The following INSL6 variants were observed in gnomAD, a reference collection of about 807,000 sequenced individuals.
INSL6 encodes insulin-like peptide INSL6.
INSL6 carries 16 observed loss-of-function variants against 9.4 expected under a neutral mutation model. The observed-to-expected ratio is 1.70, with a 90% confidence interval of 1.15 to 2.59. The LOEUF (loss-of-function observed/expected upper bound fraction) is 2.59. Ranked by LOEUF, INSL6 falls within the 30% of genes most tolerant of loss-of-function variation. The pLI, the probability that INSL6 is intolerant of heterozygous loss-of-function variation, is 0.00. For synonymous variants in INSL6, 154 were observed against 96.9 expected, an observed-to-expected ratio of 1.59 and a Z score of -3.46; for missense variants, 391 against 257.3, an observed-to-expected ratio of 1.52 and a Z score of -3.56.
downstream of INSL6, among the ~76,000 whole-genome samples, chr9:5,159,192 T>C (rs943866854): frequency 4.0e-5 from 6 of 150,646 alleles, no homozygotes; most frequent in Non-Finnish European, 8.9e-5. Context: ...ACCAAGAAAA[T>C]CACCTTCCCT....
chr9:5,054,474 A>AT, the INSL6 span: 1 of 1,124,566 alleles, frequency 8.9e-7, no homozygotes, highest in Non-Finnish European at 1.3e-6. This position sits in a 1 kb window ranked among gnomAD's most constrained non-coding sequence, Gnocchi z 4.9. Context: ...TAATCATGGA[A>AT]AAAGGTGGTA....
the INSL6 span, chr9:5,084,992 T>G: frequency 1.2e-6 from 1 of 837,926 alleles, no homozygotes; most frequent in Non-Finnish European, 1.9e-6. Context: ...ACAGAAAGAG[T>G]TGTCATTTAT....
At chr9:5,093,772 G>C in the INSL6 span, among the ~76,000 whole-genome samples, 1 of 152,050 alleles carries the variant, frequency 6.6e-6, no homozygotes, top group African/African-American at 2.4e-5. Flanking sequence ...TCAATAATAG[G>C]GTTTACGACC....
chr9:5,058,209 A>G, the INSL6 span, among the ~76,000 whole-genome samples: 2 of 152,146 alleles, frequency 1.3e-5, no homozygotes, highest in Non-Finnish European at 2.9e-5. Context: ...TATACCTTCT[A>G]TTAGTCCGTT....
intron 1 of INSL6, among the ~76,000 whole-genome samples, chr9:5,174,049 T>TAG: frequency 6.6e-6 from 1 of 152,328 alleles, no homozygotes; most frequent in Admixed American, 6.5e-5. Context: ...CTAAAGCCAA[T>TAG]TTCTGCACTT....
chr9:5,073,724 G>C, the INSL6 span: 1 of 1,611,660 alleles, frequency 6.2e-7, no homozygotes, highest in South Asian at 1.1e-5. Context: ...CAAGTATGAT[G>C]AGCAAGCTTT....
intron 1 of INSL6, among the ~76,000 whole-genome samples, chr9:5,172,904 G>A (rs976594179): frequency 1.2e-4 from 18 of 151,722 alleles, no homozygotes; most frequent in African/African-American, 3.9e-4. Flanking sequence ...CTCTAGCCTG[G>A]GTGACAAAGC....
the INSL6 span, among the ~76,000 whole-genome samples, chr9:5,023,518 T>C: frequency 1.3e-5 from 2 of 152,166 alleles, no homozygotes; most frequent in Non-Finnish European, 1.5e-5. Flanking sequence ...TCTATGTGAA[T>C]TTTTTGTCCT....
chr9:5,123,061 C>T, downstream of INSL6: 1 of 1,611,796 alleles, frequency 6.2e-7, no homozygotes, highest in African/African-American at 1.3e-5. Context: ...ATGTTTGGAG[C>T]TTTGGAGTGG....
Position 5,135,599 on chromosome 9 carries a change from A to T in INSL6, c.377-2007T>A, listed in dbSNP as rs147750434. 1.0e-3 allele frequency among the ~76,000 whole-genome samples: 152 copies of T among 152,344 alleles called. 1 individual carries two copies. The highest frequency in any genetic ancestry group is 3.4e-3 in the African/African-American group (142 of 41,582). On this transcript the variant is annotated intron_variant, in intron 2 of 3. Transcript: ENST00000649639. Reference sequence around the variant, plus strand: ...TAAGAACAAAGAAACAATGTACCAGAATCTCTAGGACACATTTAAAGCAGT... The same window carrying T: ...TAAGAACAAAGAAACAATGTACCAGTATCTCTAGGACACATTTAAAGCAGT...
the INSL6 span, among the ~76,000 whole-genome samples, chr9:5,037,299 C>T: frequency 3.3e-5 from 5 of 152,058 alleles, no homozygotes; most frequent in South Asian, 4.2e-4. Context: ...GTCAGTGTGG[C>T]GATTCCTCAG....
chr9:5,102,215 A>C, the INSL6 span, among the ~76,000 whole-genome samples: 1 of 152,198 alleles, frequency 6.6e-6, no homozygotes, highest in Non-Finnish European at 1.5e-5. Context: ...TGGAGCTGAA[A>C]ACCATGGCAT....
intron 1 of INSL6, among the ~76,000 whole-genome samples, chr9:5,174,713 A>C: frequency 6.6e-6 from 1 of 152,150 alleles, no homozygotes; most frequent in East Asian, 1.9e-4. Flanking sequence ...TGACTCTTTC[A>C]AACTCCAGAT....
chr9:4,996,892 G>A, the INSL6 span, among the ~76,000 whole-genome samples: 2 of 151,134 alleles, frequency 1.3e-5, no homozygotes, highest in African/African-American at 2.4e-5. Context: ...TCTTCATGGT[G>A]GGAGTTCTCT....
At chr9:5,038,554 C>G in the INSL6 span, among the ~76,000 whole-genome samples, 2 of 150,486 alleles carry the variant, frequency 1.3e-5, no homozygotes, top group Admixed American at 6.6e-5. Context: ...TTGAATATGT[C>G]TTATCTGAAA....
At chr9:4,998,018 AATC>A in the INSL6 span, among the ~76,000 whole-genome samples, 3 of 152,224 alleles carry the variant, frequency 2.0e-5, no homozygotes, top group Non-Finnish European at 4.4e-5. Context: ...GTATTTTAAA[AATC>A]ATTATGAGCT....
At chr9:5,001,620 C>T in the INSL6 span, among the ~76,000 whole-genome samples, 1 of 143,922 alleles carries the variant, frequency 6.9e-6, no homozygotes, top group African/African-American at 2.6e-5. Context: ...AAACATTTGC[C>T]TGTAATTTTT....
At chr9:5,029,828 C>A in the INSL6 span, 3 of 1,610,850 alleles carry the variant, frequency 1.9e-6, no homozygotes, top group Non-Finnish European at 8.5e-7. Flanking sequence ...ATGAGTGAAA[C>A]AGAAAGGATC....
At chr9:5,030,276 G>T in the INSL6 span, among the ~76,000 whole-genome samples, 1 of 152,118 alleles carries the variant, frequency 6.6e-6, no homozygotes, top group South Asian at 2.1e-4. Flanking sequence ...TCTTTATAAA[G>T]AACTTTTTAA....
Sources: gnomAD v4.1 joint callset for allele counts (sites outside exome capture counted in the v4.1 genomes callset) on GRCh38, gnomAD v4.1.1 for gene constraint, Gnocchi (gnomAD v3.1) non-coding constraint, MANE v1.5 for transcripts, NCBI Gene and HGNC (gene_info 2026-07-23, HGNC 2026-07-21) for gene names.